RSRC1: variants seen among roughly 807,000 people sequenced by gnomAD.
RSRC1 encodes the protein arginine and serine rich coiled-coil 1, also known as serine/Arginine-related protein 53.
A neutral mutation model predicts 49.1 loss-of-function variants in RSRC1; 39 were observed. The observed-to-expected ratio is 0.79, with a 90% CI of 0.61 to 1.04. The LOEUF (loss-of-function observed/expected upper bound fraction) is 1.04. Among genes scored for constraint, RSRC1 ranks in the 50% least tolerant of loss-of-function variants. The probability of loss-of-function intolerance (pLI) is 0.00; values close to 1 mark genes in which losing one functional copy is unlikely to be tolerated. For missense variants in RSRC1, 388 were observed against 402.4 expected, an observed-to-expected ratio of 0.96 and a Z score of 0.31; for synonymous variants, 143 against 130.8, an observed-to-expected ratio of 1.09 and a Z score of -0.63.
At chr3:158,511,643 T>A (rs1054300386) in intron 7 of RSRC1, among the ~76,000 whole-genome samples, 9 of 152,180 alleles carry the variant, frequency 5.9e-5, no homozygotes, top group Non-Finnish European at 1.0e-4. Flanking sequence ...TACCCAGTAA[T>A]AGGATGGCTG....
chr3:158,163,897 AAATGAATG>A (rs1008603712), intron 3 of RSRC1, among the ~76,000 whole-genome samples: 12 of 152,138 alleles, frequency 7.9e-5, no homozygotes, highest in African/African-American at 2.7e-4. Context: ...GTAGAAGAAT[AAATGAATG>A]AATGAATGAA....
At chr3:158,178,441 A>T (rs1266520756) in intron 3 of RSRC1, among the ~76,000 whole-genome samples, 1 of 152,162 alleles carries the variant, frequency 6.6e-6, no homozygotes, top group African/African-American at 2.4e-5. Context: ...TCCTGGCCCC[A>T]GTTAAAGCTA....
chr3:158,243,020 A>G (rs115296766), intron 4 of RSRC1, among the ~76,000 whole-genome samples: 3,052 of 151,988 alleles, frequency 0.02, 116 homozygotes, highest in African/African-American at 0.07. Context: ...TCTGATGACA[A>G]TTTCTTTTGC....
intron 7 of RSRC1, among the ~76,000 whole-genome samples, chr3:158,515,134 T>G (rs1740440777): frequency 6.6e-6 from 1 of 150,988 alleles, no homozygotes; most frequent in Admixed American, 6.6e-5. Flanking sequence ...GTTAATATTG[T>G]TATGTGTGAA....
chr3:158,397,980 T>A lies in RSRC1; in HGVS notation c.583+43072T>A, dbSNP rs114693074. ...AGATGGAATGAGGCTTGTGATACCGTGAGGTTGGGATGGGATGCGTACTGC... is the reference window on the plus strand; with the variant it reads ...AGATGGAATGAGGCTTGTGATACCGAGAGGTTGGGATGGGATGCGTACTGC... On this transcript the variant is annotated intron_variant, in intron 6 of 9. Transcript: ENST00000611884. Among the ~76,000 whole-genome samples, 151 of 151,950 alleles carry A rather than the reference T, an allele frequency of 9.9e-4. 1 individual carries two copies. Among genetic ancestry groups the A allele is most frequent in the African/African-American group, 3.2e-3 (132 of 41,434 alleles).
intron 5 of RSRC1, among the ~76,000 whole-genome samples, chr3:158,316,326 G>T (rs1439179821): frequency 3.3e-5 from 5 of 152,012 alleles, no homozygotes; most frequent in African/African-American, 7.2e-5. Context: ...GAAAGAGTTA[G>T]TGTAGCTCTG....
At chr3:158,221,619 GAACAGTA>G (rs1470853214) in intron 4 of RSRC1, among the ~76,000 whole-genome samples, 4 of 151,410 alleles carry the variant, frequency 2.6e-5, no homozygotes, top group African/African-American at 9.7e-5. Context: ...GTATTCTTCT[GAACAGTA>G]AACTTGAACT....
intron 3 of RSRC1, among the ~76,000 whole-genome samples, chr3:158,180,882 G>T (rs1466125512): frequency 7.2e-6 from 1 of 139,754 alleles, no homozygotes; most frequent in African/African-American, 2.7e-5. Flanking sequence ...TCGGCTTACT[G>T]CAACCTCCGC....
chr3:158,325,947 C>T (rs187881318), intron 5 of RSRC1, among the ~76,000 whole-genome samples: 6 of 152,276 alleles, frequency 3.9e-5, no homozygotes, highest in African/African-American at 1.4e-4. Context: ...TCCTTCACAT[C>T]CCTTGTAAGT....
chr3:158,332,880 T>C (rs568817553), intron 5 of RSRC1, among the ~76,000 whole-genome samples: 2 of 152,230 alleles, frequency 1.3e-5, no homozygotes, highest in Admixed American at 1.3e-4. Context: ...GTCTTTACAT[T>C]TGAAAAATTG....
intron 5 of RSRC1, among the ~76,000 whole-genome samples, chr3:158,303,943 A>G (rs1478965547): frequency 2.0e-5 from 3 of 152,224 alleles, no homozygotes; most frequent in Non-Finnish European, 4.4e-5. Flanking sequence ...ATGATAATAC[A>G]TCTTTTAGTG....
intron 7 of RSRC1, among the ~76,000 whole-genome samples, chr3:158,510,991 T>C (rs750587684): frequency 2.0e-5 from 3 of 152,182 alleles, no homozygotes; most frequent in Non-Finnish European, 2.9e-5. Flanking sequence ...CTTTATGATA[T>C]TGAGTATTTT....
intron 4 of RSRC1, among the ~76,000 whole-genome samples, chr3:158,238,997 C>G (rs1723405944): frequency 6.6e-6 from 1 of 151,914 alleles, no homozygotes; most frequent in Non-Finnish European, 1.5e-5. Context: ...CCAGAATCTA[C>G]AAAGCACATA....
intron 4 of RSRC1, among the ~76,000 whole-genome samples, chr3:158,271,142 T>TG (rs1725494852): frequency 6.6e-6 from 1 of 152,018 alleles, no homozygotes; most frequent in African/African-American, 2.4e-5. Context: ...CTAATTTTTT[T>TG]GAAGTAATGA....
At chr3:158,181,549 T>G (rs956514609) in intron 3 of RSRC1, among the ~76,000 whole-genome samples, 1 of 151,484 alleles carries the variant, frequency 6.6e-6, no homozygotes, top group Non-Finnish European at 1.5e-5. Context: ...ATAGTTCATT[T>G]TATACAAATT....
intron 3 of RSRC1, among the ~76,000 whole-genome samples, chr3:158,180,746 G>A (rs1016653663): frequency 1.3e-5 from 2 of 150,844 alleles, no homozygotes. Context: ...GGGATTACAG[G>A]TGTGAGCCAC....
At chr3:158,354,829 G>A in intron 5 of RSRC1, 28 bp from the exon 6 acceptor site, 2 of 1,507,432 alleles carry the variant, frequency 1.3e-6, no homozygotes, top group Middle Eastern at 1.7e-4. Context: ...GTCTTGTATG[G>A]TTGAATTTTT....
chr3:158,197,192 C>T (rs1329711149), intron 3 of RSRC1, among the ~76,000 whole-genome samples: 2 of 152,118 alleles, frequency 1.3e-5, no homozygotes, highest in Non-Finnish European at 2.9e-5. Flanking sequence ...TGTTATTGGT[C>T]TATTCAGGGA....
At chr3:158,504,041 A>G (rs1578553509) in intron 7 of RSRC1, among the ~76,000 whole-genome samples, 2 of 152,290 alleles carry the variant, frequency 1.3e-5, no homozygotes, top group Admixed American at 1.3e-4. Context: ...GTGAACTCCC[A>G]GGGCCTTTCT....
Sources: gnomAD v4.1 joint callset for allele counts (sites outside exome capture counted in the v4.1 genomes callset) on GRCh38, gnomAD v4.1.1 for gene constraint, MANE v1.5 for transcripts, NCBI Gene and HGNC (gene_info 2026-07-23, HGNC 2026-07-21) for gene names.